Variants in WLS observed in about 807,000 individuals in gnomAD.
WLS encodes protein wntless homolog.
WLS carries 23 observed loss-of-function variants against 62.8 expected under a neutral mutation model. The ratio of observed to expected loss-of-function variants is 0.37; its 90% CI spans 0.26 to 0.52. WLS has a LOEUF of 0.52. Ranked by LOEUF, WLS falls within the 20% of genes least tolerant of loss-of-function variation. The pLI is 0.92. For missense variants in WLS, 615 were observed against 697.3 expected (o/e 0.88, Z 1.33); for synonymous variants, 246 against 244.1 (o/e 1.01, Z -0.07).
chr1:68,163,801 G>A (rs1467629397), intron 2 of WLS, among the ~76,000 whole-genome samples: 2 of 152,146 alleles, frequency 1.3e-5, no homozygotes, highest in East Asian at 3.9e-4. Flanking sequence ...CCAGGGCTGC[G>A]ACAAGGATTA....
At chr1:68,158,535 A>G (rs1646930624) in intron 3 of WLS, among the ~76,000 whole-genome samples, 1 of 152,152 alleles carries the variant, frequency 6.6e-6, no homozygotes, top group Non-Finnish European at 1.5e-5. Flanking sequence ...CCAAACCGGA[A>G]GGAGGAGAAT....
At chr1:68,144,715 A>C in intron 9 of WLS, 63 bp from the exon 10 acceptor site, 1 of 1,338,978 alleles carries the variant, frequency 7.5e-7, no homozygotes, top group Non-Finnish European at 1.1e-6. Flanking sequence ...TCACTATGTA[A>C]ATCTATAAAA....
chr1:68,227,890 T>A (rs1650231694), intron 1 of WLS, among the ~76,000 whole-genome samples: 1 of 152,228 alleles, frequency 6.6e-6, no homozygotes, highest in African/African-American at 2.4e-5. Flanking sequence ...ATACTCTGCA[T>A]AACTGTAATT....
intron 1 of WLS, among the ~76,000 whole-genome samples, chr1:68,229,742 G>A (rs1262616728): frequency 6.6e-6 from 1 of 152,114 alleles, no homozygotes; most frequent in Non-Finnish European, 1.5e-5. Context: ...TTAAGTGAAA[G>A]AGGAAAGGCT....
chr1:68,198,880 A>G (rs886916691), intron 1 of WLS, among the ~76,000 whole-genome samples: 16 of 152,218 alleles, frequency 1.1e-4, no homozygotes, highest in Admixed American at 3.9e-4. Context: ...ACAATGACTA[A>G]ACCTGTAGTA....
chr1:68,117,300 T>G (rs1413026332), intron 11 of WLS, among the ~76,000 whole-genome samples: 1 of 152,230 alleles, frequency 6.6e-6, no homozygotes, highest in Non-Finnish European at 1.5e-5. Flanking sequence ...GTATAATTTT[T>G]TAAACAACAT....
At chr1:68,163,079 C>G in intron 2 of WLS, 1 of 1,567,504 alleles carries the variant, frequency 6.4e-7, no homozygotes, top group Non-Finnish European at 8.8e-7. Flanking sequence ...TGTGCTTATC[C>G]ACAAGGGCCA....
At chr1:68,104,020 C>G (rs1450819088) in intron 11 of WLS, among the ~76,000 whole-genome samples, 2 of 152,090 alleles carry the variant, frequency 1.3e-5, no homozygotes, top group Non-Finnish European at 2.9e-5. Flanking sequence ...GGGCCCACAC[C>G]CAGCAAGCCA....
At chr1:68,227,087 GA>G (rs1360996740) in intron 1 of WLS, among the ~76,000 whole-genome samples, 1 of 152,140 alleles carries the variant, frequency 6.6e-6, no homozygotes, top group Non-Finnish European at 1.5e-5. Flanking sequence ...AGGTTGTACT[GA>G]AAGAACAATC....
At chr1:68,109,778 T>C (rs894877354) in intron 11 of WLS, among the ~76,000 whole-genome samples, 1 of 152,014 alleles carries the variant, frequency 6.6e-6, no homozygotes, top group African/African-American at 2.4e-5. Flanking sequence ...CTCATTTTAC[T>C]ACCTTCTCCA....
intron 11 of WLS, among the ~76,000 whole-genome samples, chr1:68,107,922 A>G (rs577336352): frequency 1.3e-4 from 19 of 151,242 alleles, no homozygotes; most frequent in Middle Eastern, 3.4e-3. Flanking sequence ...CCAGTGTGGC[A>G]GGAGGCCAGT....
At chr1:68,144,303 C>T (rs1646724642) in intron 10 of WLS, among the ~76,000 whole-genome samples, 1 of 152,186 alleles carries the variant, frequency 6.6e-6, no homozygotes, top group African/African-American at 2.4e-5. Context: ...AAGTTTTTCT[C>T]ATAAGTAAAT....
chr1:68,130,525 C>T (rs761125631), intron 11 of WLS, among the ~76,000 whole-genome samples: 20 of 152,208 alleles, frequency 1.3e-4, no homozygotes, highest in Middle Eastern at 3.2e-3. Context: ...TAGGCCCACA[C>T]CAACCTCTCT....
intron 11 of WLS, among the ~76,000 whole-genome samples, chr1:68,119,144 A>G (rs1244796884): frequency 4.6e-5 from 7 of 152,156 alleles, no homozygotes. Context: ...CATGAAAATC[A>G]TGTTATAGAA....
intron 2 of WLS, 149 bp downstream of exon 2, chr1:68,193,806 G>C: frequency 9.6e-7 from 1 of 1,036,546 alleles, no homozygotes; most frequent in Non-Finnish European, 1.4e-6. Flanking sequence ...GTTAATACAG[G>C]TAAAGTACAC....
rs373817888 is a variant in WLS at position 68,125,862 on chromosome 1, A to AT, written c.*363dup. 183 of 1,030,592 alleles carry AT rather than the reference A, an allele frequency of 1.8e-4. 1 individual carries two copies. In the African/African-American group the frequency reaches 2.9e-3, roughly 17 times the overall value. 63.8% of individuals were successfully genotyped at this position (1,030,592 alleles called of 1,614,324 possible). A position where few individuals can be genotyped will look rare whatever the true frequency, so the allele number is the denominator to read the frequency against. ...GAATTTAAAACAGGAAAAATGTCAA[A>AT]TATTCCACTCCCCATTCGGCCCAAA... On this transcript the variant is annotated 3_prime_UTR_variant, in exon 12 of 12. Transcript: ENST00000262348.
chr1:68,208,003 T>A (rs1295733738), intron 1 of WLS, among the ~76,000 whole-genome samples: 2 of 152,222 alleles, frequency 1.3e-5, no homozygotes, highest in Non-Finnish European at 2.9e-5. Context: ...AACTAGAAGG[T>A]GTGCATCTTG....
intron 2 of WLS, among the ~76,000 whole-genome samples, chr1:68,178,348 G>A (rs1647349938): frequency 6.6e-6 from 1 of 152,150 alleles, no homozygotes; most frequent in African/African-American, 2.4e-5. Flanking sequence ...AATATTTACT[G>A]TGCCTGGAAT....
intron 11 of WLS, among the ~76,000 whole-genome samples, chr1:68,107,198 C>T (rs983451481): frequency 1.1e-4 from 17 of 152,020 alleles, no homozygotes; most frequent in African/African-American, 3.9e-4. Flanking sequence ...TCTTCATTGA[C>T]TTAAATAGAT....
Sources: allele counts gnomAD v4.1 joint callset (sites outside exome capture counted in the v4.1 genomes callset), GRCh38; gene constraint gnomAD v4.1.1; transcripts MANE v1.5; gene names NCBI Gene and HGNC (gene_info 2026-07-23, HGNC 2026-07-21).